Variants in PCDH9 observed in about 807,000 individuals in gnomAD.
PCDH9 encodes protocadherin 9.
A neutral mutation model predicts 70.6 loss-of-function variants in PCDH9; 24 were observed. That is an observed-to-expected ratio of 0.34 (90% CI 0.25 to 0.48). The LOEUF (loss-of-function observed/expected upper bound fraction) is 0.48, where lower values mean the gene tolerates loss of function less well. Ranked by LOEUF, PCDH9 falls within the 20% of genes least tolerant of loss-of-function variation. The pLI is 0.99. For missense variants in PCDH9, 1,281 were observed against 1,503.6 expected (o/e 0.85, Z 2.45); for synonymous variants, 562 against 558.5 (o/e 1.01, Z -0.09).
chr13:66,692,628 G>C (rs1023022750), intron 3 of PCDH9, among the ~76,000 whole-genome samples: 7 of 151,974 alleles, frequency 4.6e-5, no homozygotes, highest in African/African-American at 1.7e-4. Flanking sequence ...GCTGCTTCTA[G>C]TTAGGATACT....
At chr13:66,326,567 C>A (rs986081228) in intron 4 of PCDH9, among the ~76,000 whole-genome samples, 1 of 151,964 alleles carries the variant, frequency 6.6e-6, no homozygotes, top group Non-Finnish European at 1.5e-5. Context: ...TACAGGCGCC[C>A]GCCACCACGC....
rs2076942718 is a variant in PCDH9, at chr13:66,584,933, A to C, written c.3340+46277T>G. 2.0e-5 allele frequency among the ~76,000 whole-genome samples: 3 copies of C among 152,206 alleles called. No homozygotes were observed. In the South Asian group the frequency reaches 6.2e-4, roughly 32 times the overall value. On this transcript the variant is annotated intron_variant, in intron 4 of 4. Transcript: ENST00000377865. Reference sequence around the variant, plus strand: ...TGGTATTTAAAATGTAGATTTAAAAAAATCTGTTATGTAAGGAAAGTGATA... The same window carrying C: ...TGGTATTTAAAATGTAGATTTAAAACAATCTGTTATGTAAGGAAAGTGATA...
intron 2 of PCDH9, among the ~76,000 whole-genome samples, chr13:67,084,243 A>G (rs1352839039): frequency 6.6e-6 from 1 of 152,168 alleles, no homozygotes; most frequent in African/African-American, 2.4e-5. Flanking sequence ...ATTCACTGGC[A>G]CACAGACCTC....
At chr13:66,666,982 AAAGAAG>A (rs1242155400) in intron 3 of PCDH9, among the ~76,000 whole-genome samples, 1 of 152,234 alleles carries the variant, frequency 6.6e-6, no homozygotes, top group Non-Finnish European at 1.5e-5. Flanking sequence ...AGTTAGATAT[AAAGAAG>A]GAATCTGTAA....
intron 3 of PCDH9, among the ~76,000 whole-genome samples, chr13:66,650,184 AT>A (rs1267339076): frequency 6.6e-6 from 1 of 151,990 alleles, no homozygotes; most frequent in Non-Finnish European, 1.5e-5. Flanking sequence ...ATCAAAAAAA[AT>A]AGAGTAGCTG....
chr13:66,876,886 C>T (rs560355033), intron 3 of PCDH9: 3 of 152,084 alleles, frequency 2.0e-5, no homozygotes, highest in African/African-American at 7.2e-5. Context: ...TCAGACAGCT[C>T]TCACCACTTG....
intron 4 of PCDH9, among the ~76,000 whole-genome samples, chr13:66,517,887 A>T (rs1329919216): frequency 6.6e-6 from 1 of 152,184 alleles, no homozygotes; most frequent in Non-Finnish European, 1.5e-5. Context: ...GCATGAATTA[A>T]TAAATGAATA....
intron 3 of PCDH9, among the ~76,000 whole-genome samples, chr13:66,837,962 A>G (rs1004950359): frequency 1.3e-5 from 2 of 152,198 alleles, no homozygotes; most frequent in South Asian, 4.1e-4. Context: ...TATAAATGAA[A>G]TTGAACACTA....
rs936272304 is a variant in PCDH9 at position 66,887,195 on chromosome 13, C to T, written c.3138+16309G>A. 2.6e-5 allele frequency among the ~76,000 whole-genome samples: 4 copies of T among 151,814 alleles called. No individual in the cohort carries two copies. In the South Asian group the frequency reaches 8.3e-4, roughly 32 times the overall value. ...CACCAAGTTCACATCCTGGACCATGCCTTCTATTAGTGAATGTCTGGGCAG... is the reference window on the plus strand; with the variant it reads ...CACCAAGTTCACATCCTGGACCATGTCTTCTATTAGTGAATGTCTGGGCAG... On this transcript the variant is annotated intron_variant, in intron 3 of 4. Coordinates refer to ENST00000377865, the MANE Select transcript of PCDH9 (RefSeq NM_203487.3).
intron 3 of PCDH9, among the ~76,000 whole-genome samples, chr13:66,895,017 AG>A (rs1322735582): frequency 6.6e-6 from 1 of 152,062 alleles, no homozygotes; most frequent in African/African-American, 2.4e-5. Context: ...CATGTTGGCC[AG>A]GCAGGTCTCA....
chr13:66,732,454 T>TG (rs2079091132), intron 3 of PCDH9, among the ~76,000 whole-genome samples: 1 of 152,010 alleles, frequency 6.6e-6, no homozygotes. Flanking sequence ...ACAAGGGCCT[T>TG]GCCAAGCTTG....
At chr13:66,875,282 A>C (rs571371669) in intron 3 of PCDH9, among the ~76,000 whole-genome samples, 1 of 152,340 alleles carries the variant, frequency 6.6e-6, no homozygotes, top group South Asian at 2.1e-4. Flanking sequence ...CTGTGTAAAA[A>C]TCTGGTTACA....
At chr13:66,613,612 T>A (rs1349006848) in intron 4 of PCDH9, among the ~76,000 whole-genome samples, 2 of 152,212 alleles carry the variant, frequency 1.3e-5, no homozygotes, top group African/African-American at 4.8e-5. Context: ...GGCAAAGCTT[T>A]GTTTAGCAAT....
chr13:67,053,973 T>C (rs528101260), intron 2 of PCDH9, among the ~76,000 whole-genome samples: 1 of 152,320 alleles, frequency 6.6e-6, no homozygotes, highest in South Asian at 2.1e-4. Context: ...TATTATGAAA[T>C]GCTCTACAAT....
At chr13:67,038,995 G>C (rs2085060896) in intron 2 of PCDH9, among the ~76,000 whole-genome samples, 1 of 152,170 alleles carries the variant, frequency 6.6e-6, no homozygotes, top group Non-Finnish European at 1.5e-5. Flanking sequence ...CCAGGGAGGA[G>C]AGGGGGTCAG....
At chr13:67,097,083 A>G (rs1025838994) in intron 2 of PCDH9, among the ~76,000 whole-genome samples, 1 of 111,750 alleles carries the variant, frequency 8.9e-6, no homozygotes, top group Non-Finnish European at 1.9e-5. Context: ...CTATCTCTAC[A>G]GAAAATACAA....
At chr13:66,386,175 C>T (rs1230098949) in intron 4 of PCDH9, among the ~76,000 whole-genome samples, 1 of 152,086 alleles carries the variant, frequency 6.6e-6, no homozygotes, top group Admixed American at 6.6e-5. Flanking sequence ...AACAATAATA[C>T]TATGCCATTA....
Position 66,755,802 on chromosome 13 carries a change from G to T in PCDH9, c.3139-124391C>A, listed in dbSNP as rs116100358. Among the ~76,000 whole-genome samples, 1,249 of 152,160 alleles carry T rather than the reference G, an allele frequency of 8.2e-3. 15 individuals carry two copies. The highest frequency in any genetic ancestry group is 0.028 in the African/African-American group (1,154 of 41,514). ...CAAGGATGAACAAAACAATGGAATA[G>T]AACAAAGAAAAAATTCCAAGGAATA... On this transcript the variant is annotated intron_variant, in intron 3 of 4. Coordinates refer to ENST00000377865, the MANE Select transcript of PCDH9 (RefSeq NM_203487.3).
At chr13:66,833,613 A>G (rs2080965301) in intron 3 of PCDH9, among the ~76,000 whole-genome samples, 1 of 152,190 alleles carries the variant, frequency 6.6e-6, no homozygotes, top group African/African-American at 2.4e-5. Context: ...TATATTTACA[A>G]GGGCATGTGA....
Sources: gnomAD v4.1 joint callset for allele counts (sites outside exome capture counted in the v4.1 genomes callset) on GRCh38, gnomAD v4.1.1 for gene constraint, MANE v1.5 for transcripts, NCBI Gene and HGNC (gene_info 2026-07-23, HGNC 2026-07-21) for gene names.